The following RHOBTB3 variants were observed in gnomAD, a reference collection of about 807,000 sequenced individuals.
The protein encoded by RHOBTB3 is Rho related BTB domain containing 3, also known as rho-related BTB domain-containing protein 3.
A neutral mutation model predicts 67.2 loss-of-function variants in RHOBTB3; 47 were observed. The observed-to-expected ratio is 0.70, with a 90% CI of 0.55 to 0.89. The LOEUF (loss-of-function observed/expected upper bound fraction) is 0.89, where lower values mean the gene tolerates loss of function less well. Ranked by LOEUF, RHOBTB3 falls within the 40% of genes least tolerant of loss-of-function variation. RHOBTB3 has a pLI of 0.00. For synonymous variants in RHOBTB3, 273 were observed against 274.2 expected (o/e 1.00, Z 0.04); for missense variants, 631 against 750.0 (o/e 0.84, Z 1.85).
In RHOBTB3 at chr5:95,765,884, G is replaced by C. The variant is rs190087721; in HGVS notation, c.1162-2162G>C. Among the ~76,000 whole-genome samples the C allele has an allele frequency of 3.3e-3, 507 of 152,186 alleles. 4 individuals carry two copies. Among genetic ancestry groups the C allele is most frequent in the Middle Eastern group, 0.014 (4 of 294 alleles). On this transcript the variant is annotated intron_variant, in intron 7 of 11. Transcript: ENST00000379982. The stretch of plus-strand genomic sequence containing the variant: ...TCACCGTGTTAGCCAGGATGGTCTC[G>C]ATCTCCTGACCTTGTGATCCTCCCG...
intron 3 of RHOBTB3, among the ~76,000 whole-genome samples, chr5:95,739,122 A>G (rs777692962): frequency 6.6e-6 from 1 of 152,182 alleles, no homozygotes; most frequent in Non-Finnish European, 1.5e-5. Flanking sequence ...CTCCTGGCAC[A>G]TATCACCATA....
At chr5:95,763,080 C>T (rs1745438503) in intron 6 of RHOBTB3, among the ~76,000 whole-genome samples, 1 of 152,168 alleles carries the variant, frequency 6.6e-6, no homozygotes, top group South Asian at 2.1e-4. Context: ...CATTCTGTTG[C>T]TGCTGCATGT....
At chr5:95,754,128 G>A (rs1745174823) in intron 5 of RHOBTB3, among the ~76,000 whole-genome samples, 1 of 152,126 alleles carries the variant, frequency 6.6e-6, no homozygotes, top group African/African-American at 2.4e-5. Flanking sequence ...AAAATCTCTT[G>A]TGTGGGTCTT....
chr5:95,763,525 G>T lies in RHOBTB3; in HGVS notation c.1066G>T (p.Glu356Ter), dbSNP rs779822703. 6.2e-7 allele frequency: 1 copy of T among 1,610,668 alleles called. No individual in the cohort carries two copies. Among genetic ancestry groups the T allele is most frequent in the Non-Finnish European group, 8.5e-7 (1 of 1,177,514 alleles). Residue 356 changes from glutamate (E) to a stop codon, truncating the protein, a stop_gained, in exon 7 of 12, where the codon GAA (glutamate) becomes TAA (stop). Coordinates refer to ENST00000379982, the MANE Select transcript of RHOBTB3 (RefSeq NM_014899.4). LOFTEE classifies it high-confidence loss of function. ...GTTTACAGGTGCTTTTCAGTGGGAA[G>T]AATTGGAAGAAGATATCAGGAAGAA... ...FIYSGAFQWEELEEDIRKKLK... is the reference protein window; with the variant it reads ...FIYSGAFQWE
At chr5:95,728,789 A>T (rs1755131190), upstream of RHOBTB3, among the ~76,000 whole-genome samples, 1 of 152,214 alleles carries the variant, frequency 6.6e-6, no homozygotes, top group South Asian at 2.1e-4. Flanking sequence ...AGGTCAGCAC[A>T]GGATACAGGT....
chr5:95,769,160 C>A, intron 8 of RHOBTB3: 1 of 353,470 alleles, frequency 2.8e-6, no homozygotes. Context: ...ACAGTGGGGC[C>A]GAAGGGAAGA....
intron 3 of RHOBTB3, among the ~76,000 whole-genome samples, chr5:95,743,440 A>G (rs1244538192): frequency 6.6e-6 from 1 of 151,938 alleles, no homozygotes; most frequent in African/African-American, 2.4e-5. Flanking sequence ...TGCTCCCTGC[A>G]TTGTTGAGCA....
Position 95,755,473 on chromosome 5 carries a change from G to T in RHOBTB3, c.760G>T (p.Val254Leu). 6.2e-7 allele frequency: 1 copy of T among 1,613,848 alleles called. No homozygotes were observed. The highest frequency in any genetic ancestry group is 1.1e-5 in the South Asian group (1 of 91,070). The change falls in exon 6 of 12, where the codon GTG (valine) becomes TTG (leucine). Residue 254 changes from valine (V) to leucine (L), a missense_variant. By Grantham distance (32) the Val-to-Leu change is conservative. Coordinates refer to ENST00000379982, the MANE Select transcript of RHOBTB3 (RefSeq NM_014899.4). ...TAACTTGCTGTTCTGCTGCCAGTGT[G>T]TGGACGTGGTATTTTACAACCCCAA... ...LNNLLFCCQC[V>L]DVVFYNPNLK... is the part of the protein sequence containing the mutation.
intron 7 of RHOBTB3, among the ~76,000 whole-genome samples, chr5:95,766,427 A>G (rs1203356786): frequency 6.6e-6 from 1 of 152,012 alleles, no homozygotes; most frequent in Admixed American, 6.6e-5. Context: ...TTCAATAAAA[A>G]TCATAACTAA....
In RHOBTB3 at chr5:95,780,392, T is replaced by G; in HGVS notation, c.1423T>G (p.Leu475Val). 1 of 1,614,156 alleles carries G rather than the reference T, an allele frequency of 6.2e-7. No individual in the cohort carries two copies. The highest frequency in any genetic ancestry group is 1.1e-5 in the South Asian group (1 of 91,088). The change falls in exon 9 of 12, where the codon TTA (leucine) becomes GTA (valine). Residue 475 changes from leucine to valine, a missense_variant. Transcript: ENST00000379982. ...GVSKETFLSF[L>V]EYLYTDSCCP... ...TTCCAAAGAGACTTTCTTGTCATTTTTAGAATACCTGTACACAGACTCCTG... is the reference window on the plus strand; with the variant it reads ...TTCCAAAGAGACTTTCTTGTCATTTGTAGAATACCTGTACACAGACTCCTG...
chr5:95,786,629 A>T (rs937405936), intron 10 of RHOBTB3, among the ~76,000 whole-genome samples: 1 of 152,160 alleles, frequency 6.6e-6, no homozygotes, highest in African/African-American at 2.4e-5. Flanking sequence ...GCATCTTCTT[A>T]TTTATAATCT....
chr5:95,763,776 T>C (rs1745459381), intron 7 of RHOBTB3, among the ~76,000 whole-genome samples, 156 bp downstream of exon 7: 1 of 151,576 alleles, frequency 6.6e-6, no homozygotes, highest in Admixed American at 6.6e-5. Flanking sequence ...ATTTAAAACA[T>C]AAACATGGGT....
At chr5:95,785,748 A>G (rs1746206684) in intron 10 of RHOBTB3, among the ~76,000 whole-genome samples, 1 of 152,202 alleles carries the variant, frequency 6.6e-6, no homozygotes, top group East Asian at 1.9e-4. Context: ...TATCATTTTC[A>G]TACTATTCTA....
At chr5:95,741,586 C>T (rs1406832065) in intron 3 of RHOBTB3, among the ~76,000 whole-genome samples, 4 of 118,964 alleles carry the variant, frequency 3.4e-5, no homozygotes, top group African/African-American at 6.4e-5. Context: ...GGTCTGAACT[C>T]GGGCCTAAGC....
chr5:95,740,732 T>TCA (rs1184682379), intron 3 of RHOBTB3, among the ~76,000 whole-genome samples: 18 of 152,230 alleles, frequency 1.2e-4, no homozygotes, highest in Non-Finnish European at 7.3e-5. Context: ...AGAATACAAG[T>TCA]CAGATCATGG....
At chr5:95,731,307 C>A (rs1340376481), upstream of RHOBTB3, 3 of 1,053,282 alleles carry the variant, frequency 2.8e-6, no homozygotes, top group African/African-American at 5.1e-5. Flanking sequence ...CCCTTCTCTG[C>A]TTAGAGGAGG....
Position 95,731,694 on chromosome 5 carries a change from C to T in RHOBTB3, c.2+10C>T, listed in dbSNP as rs1755260354. On this transcript the variant is annotated intron_variant, in intron 1 of 11. Coordinates refer to ENST00000379982, the MANE Select transcript of RHOBTB3 (RefSeq NM_014899.4). ...TTGGATTTGAGATCATGTACGTACG[C>T]GCCGCCGTCCTGCCATTGTCTCTCT... 2.5e-6 allele frequency: 4 copies of T among 1,613,154 alleles called. No individual in the cohort carries two copies. The highest frequency in any genetic ancestry group is 2.5e-6 in the Non-Finnish European group (3 of 1,179,750).
At position 95,768,919 on chromosome 5, in the gene RHOBTB3, C is replaced by T. The variant is rs377462431; in HGVS notation, c.1282+753C>T. ...GGCGGAGGGAGGGGACGTGGCTCAT[C>T]GCCATGTGCGTCTTGCATTCTGTCC... On this transcript the variant is annotated intron_variant, in intron 8 of 11. Coordinates refer to ENST00000379982, the MANE Select transcript of RHOBTB3 (RefSeq NM_014899.4). 1.0e-4 allele frequency: 17 copies of T among 166,838 alleles called. No homozygotes were observed. In the East Asian group the frequency reaches 2.8e-3, roughly 27 times the overall value. The allele number at this position is 166,838 out of a possible 1,614,324, so 10.3% of individuals were successfully genotyped here.
At chr5:95,744,334 C>T (rs1755689440) in intron 3 of RHOBTB3, among the ~76,000 whole-genome samples, 1 of 152,276 alleles carries the variant, frequency 6.6e-6, no homozygotes, top group African/African-American at 2.4e-5. Context: ...CCGTAATCCC[C>T]CCAGACAGTT....
Sources: gnomAD v4.1 joint callset for allele counts (sites outside exome capture counted in the v4.1 genomes callset) on GRCh38, gnomAD v4.1.1 for gene constraint, MANE v1.5 for transcripts, NCBI Gene and HGNC (gene_info 2026-07-23, HGNC 2026-07-21) for gene names.